Variants in SCFD2 observed in about 807,000 individuals in gnomAD.
The protein encoded by SCFD2 is sec1 family domain-containing protein 2.
Under a neutral mutation model 58.9 loss-of-function variants are expected in SCFD2, and 54 were observed. That is an observed-to-expected ratio of 0.92 (90% CI 0.74 to 1.15). The LOEUF is 1.15. Among genes scored for constraint, SCFD2 ranks in the 50% most tolerant of loss-of-function variants. The pLI is 0.00. For synonymous variants in SCFD2, 321 were observed against 335.9 expected (o/e 0.96, Z 0.49); for missense variants, 805 against 836.6 (o/e 0.96, Z 0.47).
In SCFD2 at chr4:53,311,564, ATGT is replaced by A. The variant is rs550022714; in HGVS notation, c.1135+2069_1135+2071del. ...ATTTATGCTCTGTGATAGTATCATA[ATGT>A]TGTATCACTGAAACACAATATAAAT... On this transcript the variant is annotated intron_variant, in intron 3 of 8. Transcript: ENST00000401642. Among the ~76,000 whole-genome samples, 78 of 152,258 alleles carry A rather than the reference ATGT, an allele frequency of 5.1e-4. 1 individual carries two copies. Among genetic ancestry groups the A allele is most frequent in the Admixed American group, 4.6e-3 (71 of 15,288 alleles).
At chr4:53,318,926 A>G (rs1360532043) in intron 2 of SCFD2, among the ~76,000 whole-genome samples, 2 of 152,230 alleles carry the variant, frequency 1.3e-5, no homozygotes, top group East Asian at 1.9e-4. Context: ...TCCAATTTAA[A>G]GAGCCTCAGA....
chr4:53,280,099 A>C (rs1173616183), intron 3 of SCFD2, among the ~76,000 whole-genome samples: 1 of 152,242 alleles, frequency 6.6e-6, no homozygotes, highest in Non-Finnish European at 1.5e-5. Context: ...AAATATACTT[A>C]AAATATTTAC....
chr4:52,973,482 C>T, intron 5 of SCFD2, among the ~76,000 whole-genome samples: 1 of 152,170 alleles, frequency 6.6e-6, no homozygotes. Flanking sequence ...GAAGTTGAAT[C>T]TCTGAATAGA....
rs542387167 is a variant in SCFD2, at chr4:52,897,323, A to T, written c.1842+10134T>A. ...ATAGATAGCTCTTATTATTTTGAGA[A>T]ACGTCCCATCAATACCTAATTTATT... On this transcript the variant is annotated intron_variant, in intron 7 of 8. Coordinates refer to ENST00000401642, the MANE Select transcript of SCFD2 (RefSeq NM_152540.4). Among the ~76,000 whole-genome samples the T allele has an allele frequency of 5.3e-5, 8 of 151,740 alleles. No homozygotes were observed. In the South Asian group the frequency reaches 6.2e-4, roughly 12 times the overall value.
intron 4 of SCFD2, among the ~76,000 whole-genome samples, chr4:53,182,846 A>G (rs1256643333): frequency 2.0e-5 from 3 of 152,174 alleles, no homozygotes; most frequent in African/African-American, 7.2e-5. Context: ...GGCCAAGGAT[A>G]TGAACAGACA....
At chr4:53,092,397 A>C (rs1724498011) in intron 5 of SCFD2, among the ~76,000 whole-genome samples, 2 of 152,194 alleles carry the variant, frequency 1.3e-5, no homozygotes. Context: ...TTCTTTAAAA[A>C]ATAAACATAC....
intron 5 of SCFD2, among the ~76,000 whole-genome samples, chr4:53,003,099 C>T (rs1721900224): frequency 6.6e-6 from 1 of 152,216 alleles, no homozygotes; most frequent in Admixed American, 6.5e-5. Flanking sequence ...GGCCCCACCA[C>T]CAACACGGGA....
At chr4:52,931,919 TG>T (rs1385928443) in intron 5 of SCFD2, among the ~76,000 whole-genome samples, 1 of 152,160 alleles carries the variant, frequency 6.6e-6, no homozygotes, top group Non-Finnish European at 1.5e-5. Flanking sequence ...GATATGTGGC[TG>T]TATGTGTGGG....
intron 5 of SCFD2, among the ~76,000 whole-genome samples, chr4:53,028,484 T>C (rs1425958742): frequency 4.6e-5 from 7 of 152,206 alleles, no homozygotes; most frequent in African/African-American, 1.7e-4. Context: ...ATGTTCTCTG[T>C]TCAACACAAT....
chr4:52,960,350 G>A (rs1720815739), intron 5 of SCFD2, among the ~76,000 whole-genome samples: 1 of 150,568 alleles, frequency 6.6e-6, no homozygotes, highest in African/African-American at 2.4e-5. Context: ...TTTCCGCAGA[G>A]AGGCACATCT....
intron 4 of SCFD2, among the ~76,000 whole-genome samples, chr4:53,158,351 A>G (rs1177758296): frequency 6.6e-6 from 1 of 152,190 alleles, no homozygotes; most frequent in African/African-American, 2.4e-5. Context: ...AAAACTACCT[A>G]TTGGACTTCT....
intron 4 of SCFD2, among the ~76,000 whole-genome samples, chr4:53,270,814 TA>T (rs1193925421): frequency 6.6e-6 from 1 of 152,154 alleles, no homozygotes; most frequent in African/African-American, 2.4e-5. Context: ...CATATGGATT[TA>T]AAAACACTGA....
At chr4:53,300,980 G>A (rs1379164259) in intron 3 of SCFD2, among the ~76,000 whole-genome samples, 1 of 152,022 alleles carries the variant, frequency 6.6e-6, no homozygotes, top group African/African-American at 2.4e-5. Flanking sequence ...AGCACTAAAT[G>A]CCCACAAGAG....
chr4:52,956,706 A>G (rs968450886), intron 5 of SCFD2: 5 of 161,214 alleles, frequency 3.1e-5, no homozygotes, highest in African/African-American at 1.2e-4. Flanking sequence ...GTGGGCAAAA[A>G]GGTGAAGCAC....
rs547609200 is a variant in SCFD2, at chr4:53,237,369, G to C, written c.1311+36457C>G. On this transcript the variant is annotated intron_variant, in intron 4 of 8. Transcript: ENST00000401642. ...GAGCTGTTGGCTACACCTCCCAGAC[G>C]GGGTGGTGGCCGGGCAGACGGGCTC... Among the ~76,000 whole-genome samples the C allele has an allele frequency of 1.2e-4, 18 of 151,756 alleles. No individual in the cohort carries two copies. The East Asian group carries it at 3.3e-3, about 28-fold the overall frequency.
At chr4:53,216,185 CT>C (rs1363746546) in intron 4 of SCFD2, among the ~76,000 whole-genome samples, 5 of 152,184 alleles carry the variant, frequency 3.3e-5, no homozygotes, top group African/African-American at 1.2e-4. Flanking sequence ...AGGATTCCTC[CT>C]TTTTCTATTG....
chr4:53,035,354 C>T (rs1722728737), intron 5 of SCFD2, among the ~76,000 whole-genome samples: 1 of 152,136 alleles, frequency 6.6e-6, no homozygotes, highest in East Asian at 1.9e-4. Flanking sequence ...AAACATAAGA[C>T]CTAGGACCAT....
At chr4:53,238,793 T>C (rs1729782054) in intron 4 of SCFD2, among the ~76,000 whole-genome samples, 1 of 143,872 alleles carries the variant, frequency 7.0e-6, no homozygotes, top group African/African-American at 2.6e-5. Flanking sequence ...CCTCACTTCC[T>C]AGATGTGATG....
At chr4:53,040,220 A>G (rs1722862361) in intron 5 of SCFD2, among the ~76,000 whole-genome samples, 1 of 152,144 alleles carries the variant, frequency 6.6e-6, no homozygotes, top group Non-Finnish European at 1.5e-5. Flanking sequence ...AGTTAATGTT[A>G]TCAAATGAAG....
Sources: gnomAD v4.1 joint callset for allele counts (sites outside exome capture counted in the v4.1 genomes callset) on GRCh38, gnomAD v4.1.1 for gene constraint, MANE v1.5 for transcripts, NCBI Gene and HGNC (gene_info 2026-07-23, HGNC 2026-07-21) for gene names.